SLC24A3: variants seen among roughly 807,000 people sequenced by gnomAD.
SLC24A3 encodes sodium/potassium/calcium exchanger 3.
A neutral mutation model predicts 75.8 loss-of-function variants in SLC24A3; 28 were observed. That is an observed-to-expected ratio of 0.37 (90% CI 0.27 to 0.51). The LOEUF is 0.51. Among genes scored for constraint, SLC24A3 ranks in the 20% least tolerant of loss-of-function variants. The pLI is 0.94. For synonymous variants in SLC24A3, 372 were observed against 334.1 expected (o/e 1.11, Z -1.24); for missense variants, 663 against 847.8 (o/e 0.78, Z 2.71).
intron 2 of SLC24A3, among the ~76,000 whole-genome samples, chr20:19,309,838 G>A (rs571170859): frequency 2.2e-4 from 33 of 152,246 alleles, no homozygotes; most frequent in African/African-American, 7.5e-4. Flanking sequence ...GTGAAGACAA[G>A]GGACTCCTCC....
chr20:19,708,885 C>G (rs1462601175), intron 15 of SLC24A3, among the ~76,000 whole-genome samples: 1 of 152,208 alleles, frequency 6.6e-6, no homozygotes, highest in Non-Finnish European at 1.5e-5. Context: ...AAGGGTTCTT[C>G]CAGATCCTAC....
Position 19,463,744 on chromosome 20 carries a change from G to A in SLC24A3, c.272-51744G>A, listed in dbSNP as rs75572179. On this transcript the variant is annotated intron_variant, in intron 2 of 16. Coordinates refer to ENST00000328041, the MANE Select transcript of SLC24A3 (RefSeq NM_020689.4). ...AAATTCAGGGGAAAACCTGACTTGC[G>A]GAGGTGGCCAGAAAATGGAATCAGG... Among the ~76,000 whole-genome samples, 5 of 152,270 alleles carry A rather than the reference G, an allele frequency of 3.3e-5. No individual in the cohort carries two copies. In the East Asian group the frequency reaches 5.8e-4, roughly 18 times the overall value.
chr20:19,358,294 A>C (rs735493), intron 2 of SLC24A3, among the ~76,000 whole-genome samples: 80,922 of 152,008 alleles, frequency 0.53, 22,955 homozygotes, highest in African/African-American at 0.73. Flanking sequence ...CCCGAGGTCT[A>C]AGATTGGACT....
intron 1 of SLC24A3, among the ~76,000 whole-genome samples, chr20:19,222,945 T>G (rs777488271): frequency 2.0e-5 from 3 of 148,674 alleles, no homozygotes; most frequent in African/African-American, 5.2e-5. Context: ...CCATACCCCT[T>G]TTTTTAATTG....
chr20:19,706,552 C>T (rs908988945), intron 15 of SLC24A3, among the ~76,000 whole-genome samples: 2 of 151,926 alleles, frequency 1.3e-5, no homozygotes, highest in Non-Finnish European at 2.9e-5. Context: ...TATGGGAAAA[C>T]TTGTTGCACT....
chr20:19,279,750 C>T (rs985792752), intron 1 of SLC24A3, among the ~76,000 whole-genome samples: 1 of 152,122 alleles, frequency 6.6e-6, no homozygotes, highest in East Asian at 1.9e-4. Flanking sequence ...ACTTTTCTGC[C>T]CGAGGTTCCT....
rs75779378 is a variant in SLC24A3 at position 19,546,461 on chromosome 20, C to T, written c.348+30897C>T. 2.3e-3 allele frequency among the ~76,000 whole-genome samples: 348 copies of T among 152,308 alleles called. 1 individual carries two copies. Among genetic ancestry groups the T allele is most frequent in the African/African-American group, 8.0e-3 (333 of 41,574 alleles). Reference sequence around the variant, plus strand: ...AATCTCATCAATGCCTAAAACAGAGCTGCTTGACAGAAGTGGGCTGGAAGG... The same window carrying T: ...AATCTCATCAATGCCTAAAACAGAGTTGCTTGACAGAAGTGGGCTGGAAGG... On this transcript the variant is annotated intron_variant, in intron 3 of 16. Coordinates refer to ENST00000328041, the MANE Select transcript of SLC24A3 (RefSeq NM_020689.4).
chr20:19,370,542 G>A (rs1255909370), intron 2 of SLC24A3, among the ~76,000 whole-genome samples: 1 of 152,228 alleles, frequency 6.6e-6, no homozygotes, highest in East Asian at 1.9e-4. Context: ...GACAGTCCGT[G>A]GATTGGAGTA....
intron 13 of SLC24A3, 86 bp from the exon 14 acceptor site, chr20:19,696,711 C>A: frequency 1.2e-6 from 1 of 863,144 alleles, no homozygotes; most frequent in African/African-American, 1.6e-5. Context: ...CAGACCATAG[C>A]CTGTTGTGAG....
At chr20:19,417,935 G>C (rs757177447) in intron 2 of SLC24A3, among the ~76,000 whole-genome samples, 2 of 152,200 alleles carry the variant, frequency 1.3e-5, no homozygotes, top group African/African-American at 2.4e-5. Context: ...GAGTGGAGGA[G>C]TCCTTTTGGG....
rs532817136 is a variant in SLC24A3 at position 19,319,086 on chromosome 20, G to C, written c.271+37999G>C. Reference sequence around the variant, plus strand: ...TGCCTGCCAGTGAGTTCACTGCACTGCTGTTCTTTGCCTCTTCCTGCTCTA... The same window carrying C: ...TGCCTGCCAGTGAGTTCACTGCACTCCTGTTCTTTGCCTCTTCCTGCTCTA... On this transcript the variant is annotated intron_variant, in intron 2 of 16. Coordinates refer to ENST00000328041, the MANE Select transcript of SLC24A3 (RefSeq NM_020689.4). Among the ~76,000 whole-genome samples the C allele has an allele frequency of 2.6e-5, 4 of 152,230 alleles. No individual in the cohort carries two copies. The East Asian group carries it at 7.7e-4, about 29-fold the overall frequency.
rs114067178 is a variant in SLC24A3, at chr20:19,482,245, C to G, written c.272-33243C>G. Among the ~76,000 whole-genome samples the G allele has an allele frequency of 1.3e-3, 204 of 152,330 alleles. 1 individual carries two copies. Among genetic ancestry groups the G allele is most frequent in the African/African-American group, 4.7e-3 (196 of 41,590 alleles). The stretch of plus-strand genomic sequence containing the variant: ...CACCTGGCCTGCATTGTCTGGCACC[C>G]TCTGCACCTCACCTCACCGTCATTC... On this transcript the variant is annotated intron_variant, in intron 2 of 16. Coordinates refer to ENST00000328041, the MANE Select transcript of SLC24A3 (RefSeq NM_020689.4).
chr20:19,326,931 A>T (rs8115549), intron 2 of SLC24A3, among the ~76,000 whole-genome samples: 1,621 of 152,302 alleles, frequency 0.011, 11 homozygotes, highest in Middle Eastern at 0.02. Flanking sequence ...GGAAAAGTAG[A>T]TCCTGCCAAT....
At chr20:19,613,578 A>C (rs933215262) in intron 6 of SLC24A3, among the ~76,000 whole-genome samples, 2 of 152,218 alleles carry the variant, frequency 1.3e-5, no homozygotes, top group East Asian at 3.9e-4. Context: ...AAATAATCTC[A>C]GATCAATTCC....
At chr20:19,286,805 A>G (rs1243453582) in intron 2 of SLC24A3, among the ~76,000 whole-genome samples, 1 of 152,266 alleles carries the variant, frequency 6.6e-6, no homozygotes, top group African/African-American at 2.4e-5. Flanking sequence ...TATTTGACCA[A>G]ATGTTTCCGA....
chr20:19,687,567 A>C (rs765863), intron 12 of SLC24A3, among the ~76,000 whole-genome samples: 54,690 of 152,100 alleles, frequency 0.36, 10,696 homozygotes, highest in African/African-American at 0.51. Flanking sequence ...TTTCGCTAAA[A>C]TCTTTCACTA....
intron 12 of SLC24A3, among the ~76,000 whole-genome samples, chr20:19,686,255 T>G (rs1019588208): frequency 2.6e-5 from 4 of 152,178 alleles, no homozygotes; most frequent in African/African-American, 9.7e-5. Context: ...GGGAGAGCTG[T>G]CCTGCCAAGG....
At chr20:19,411,706 A>C (rs1353153944) in intron 2 of SLC24A3, among the ~76,000 whole-genome samples, 1 of 152,220 alleles carries the variant, frequency 6.6e-6, no homozygotes, top group Non-Finnish European at 1.5e-5. Context: ...GCCACCTTTC[A>C]GTCAGTTTGA....
At chr20:19,430,684 A>G (rs1476632050) in intron 2 of SLC24A3, among the ~76,000 whole-genome samples, 2 of 152,060 alleles carry the variant, frequency 1.3e-5, no homozygotes, top group Non-Finnish European at 2.9e-5. Context: ...ACACATACAC[A>G]TTTGTATATG....
Sources: allele counts gnomAD v4.1 joint callset (sites outside exome capture counted in the v4.1 genomes callset), GRCh38; gene constraint gnomAD v4.1.1; transcripts MANE v1.5; gene names NCBI Gene and HGNC (gene_info 2026-07-23, HGNC 2026-07-21).